Variants in TRHDE observed in about 807,000 individuals in gnomAD.
TRHDE encodes thyrotropin-releasing hormone-degrading ectoenzyme.
Under a neutral mutation model 125.7 loss-of-function variants are expected in TRHDE, and 72 were observed. The ratio of observed to expected loss-of-function variants is 0.57; its 90% confidence interval spans 0.47 to 0.70. The LOEUF is 0.70. Ranked by LOEUF, TRHDE falls within the 30% of genes least tolerant of loss-of-function variation. TRHDE has a pLI of 0.00. For missense variants in TRHDE, 1,110 were observed against 1,327.1 expected (o/e 0.84, Z 2.54); for synonymous variants, 509 against 509.1 (o/e 1.00, Z 0.00).
At chr12:72,293,276 T>C (rs1158134166) in intron 2 of TRHDE, among the ~76,000 whole-genome samples, 3 of 152,136 alleles carry the variant, frequency 2.0e-5, no homozygotes, top group South Asian at 4.1e-4. Flanking sequence ...AGTTTGTGAA[T>C]ATTTTTTCCC....
chr12:72,489,293 C>CA (rs374158701), intron 5 of TRHDE, among the ~76,000 whole-genome samples: 2,112 of 144,810 alleles, frequency 0.015, 45 homozygotes, highest in African/African-American at 0.049. Flanking sequence ...AAACAAAAAA[C>CA]AAAAAAAATT....
At chr12:72,488,039 G>A (rs1877493367) in intron 5 of TRHDE, among the ~76,000 whole-genome samples, 1 of 151,856 alleles carries the variant, frequency 6.6e-6, no homozygotes, top group South Asian at 2.1e-4. Context: ...AATTAGGAAG[G>A]AATCAAAGCT....
At chr12:72,578,613 G>A (rs766033504) in intron 12 of TRHDE, among the ~76,000 whole-genome samples, 3 of 152,100 alleles carry the variant, frequency 2.0e-5, no homozygotes, top group Non-Finnish European at 4.4e-5. Context: ...TCAATGATGT[G>A]GAGGAGAAGC....
At chr12:72,208,277 C>T (rs1317217006) in intron 2 of TRHDE, among the ~76,000 whole-genome samples, 2 of 152,060 alleles carry the variant, frequency 1.3e-5, no homozygotes, top group African/African-American at 4.8e-5. Flanking sequence ...TCCCCTTGAA[C>T]CTAAAACAAG....
At chr12:72,402,825 G>A (rs1043365548) in intron 3 of TRHDE, among the ~76,000 whole-genome samples, 1 of 152,072 alleles carries the variant, frequency 6.6e-6, no homozygotes, top group Non-Finnish European at 1.5e-5. Context: ...AAGGTAAAAG[G>A]TAAGTAGTCC....
At chr12:72,115,136 G>T (rs1004413059) in intron 2 of TRHDE, among the ~76,000 whole-genome samples, 2 of 151,422 alleles carry the variant, frequency 1.3e-5, no homozygotes, top group African/African-American at 2.4e-5. Context: ...AGTTATTTTT[G>T]ACTATACTCT....
At chr12:72,494,893 CTCTTA>C (rs1345291825) in intron 5 of TRHDE, among the ~76,000 whole-genome samples, 1 of 151,920 alleles carries the variant, frequency 6.6e-6, no homozygotes, top group Non-Finnish European at 1.5e-5. Flanking sequence ...TAGCACTCGC[CTCTTA>C]TCTTAGACCC....
intron 2 of TRHDE, among the ~76,000 whole-genome samples, chr12:72,243,171 C>A (rs1878515540): frequency 6.6e-6 from 1 of 152,188 alleles, no homozygotes; most frequent in Non-Finnish European, 1.5e-5. Context: ...ATTGAGTCTG[C>A]CCTACTTCAG....
chr12:72,299,559 C>T (rs1880427845), intron 2 of TRHDE, among the ~76,000 whole-genome samples: 1 of 152,102 alleles, frequency 6.6e-6, no homozygotes, highest in African/African-American at 2.4e-5. Flanking sequence ...ATTGAGCAAC[C>T]GTGTTCAACA....
At chr12:72,393,325 T>C (rs370597945) in intron 3 of TRHDE, among the ~76,000 whole-genome samples, 12 of 152,298 alleles carry the variant, frequency 7.9e-5, no homozygotes, top group African/African-American at 2.9e-4. Context: ...TGCATATTAT[T>C]GATAGAATGC....
At chr12:72,343,199 G>A (rs1235826657) in intron 2 of TRHDE, among the ~76,000 whole-genome samples, 2 of 152,040 alleles carry the variant, frequency 1.3e-5, no homozygotes, top group African/African-American at 4.8e-5. Flanking sequence ...CTCAATATGA[G>A]TACAATTGTC....
intron 12 of TRHDE, among the ~76,000 whole-genome samples, chr12:72,584,900 A>C (rs749980613): frequency 6.6e-6 from 1 of 152,218 alleles, no homozygotes; most frequent in Non-Finnish European, 1.5e-5. Context: ...CAGTACTCTA[A>C]AAATATCATA....
intron 6 of TRHDE, among the ~76,000 whole-genome samples, chr12:72,533,678 A>G (rs1282531824): frequency 1.1e-5 from 1 of 94,816 alleles, no homozygotes; most frequent in Non-Finnish European, 2.4e-5. Flanking sequence ...TGGACTCTTT[A>G]TGTTTTATTT....
At chr12:72,168,435 A>AT (rs1566261970) in intron 2 of TRHDE, among the ~76,000 whole-genome samples, 1 of 152,166 alleles carries the variant, frequency 6.6e-6, no homozygotes, top group African/African-American at 2.4e-5. Context: ...TAGAGGTTGT[A>AT]TGGTTCTGGG....
intron 3 of TRHDE, among the ~76,000 whole-genome samples, chr12:72,398,125 T>C (rs1010172731): frequency 1.3e-5 from 2 of 152,026 alleles, no homozygotes; most frequent in Non-Finnish European, 2.9e-5. Flanking sequence ...AGAATGATGA[T>C]TTCCAATTTC....
intron 9 of TRHDE, among the ~76,000 whole-genome samples, chr12:72,566,532 T>A (rs1293201190): frequency 6.6e-6 from 1 of 151,828 alleles, no homozygotes; most frequent in Non-Finnish European, 1.5e-5. Context: ...TTTTAGATAT[T>A]TTTTTCTAAA....
chr12:72,577,525 T>C (rs1237097057), intron 12 of TRHDE, among the ~76,000 whole-genome samples: 1 of 152,094 alleles, frequency 6.6e-6, no homozygotes, highest in Non-Finnish European at 1.5e-5. Flanking sequence ...CCAGAGGATA[T>C]AGAAGGACTG....
At chr12:72,611,366 A>G (rs1416262911) in intron 12 of TRHDE, 1 of 153,034 alleles carries the variant, frequency 6.5e-6, no homozygotes, top group Non-Finnish European at 1.5e-5. Flanking sequence ...TTCAACATTA[A>G]TTCCAGAGGT....
intron 7 of TRHDE, among the ~76,000 whole-genome samples, chr12:72,544,807 G>A (rs1034248000): frequency 2.0e-5 from 3 of 151,428 alleles, no homozygotes; most frequent in Non-Finnish European, 3.0e-5. Context: ...ATATAGAAAG[G>A]TAGTAGGTTT....
Sources: allele counts gnomAD v4.1 joint callset (sites outside exome capture counted in the v4.1 genomes callset), GRCh38; gene constraint gnomAD v4.1.1; transcripts MANE v1.5; gene names NCBI Gene and HGNC (gene_info 2026-07-23, HGNC 2026-07-21).